Variants in KATNAL2 observed in about 807,000 individuals in gnomAD.
The protein encoded by KATNAL2 is katanin catalytic subunit A1 like 2, also known as katanin p60 ATPase-containing subunit A-like 2.
KATNAL2 carries 52 observed loss-of-function variants against 76.3 expected under a neutral mutation model. The ratio of observed to expected loss-of-function variants is 0.68; its 90% CI spans 0.55 to 0.86. The LOEUF (loss-of-function observed/expected upper bound fraction) is 0.86. Ranked by LOEUF, KATNAL2 falls within the 40% of genes least tolerant of loss-of-function variation. KATNAL2 has a pLI of 0.00. For synonymous variants in KATNAL2, 243 were observed against 244.2 expected, an observed-to-expected ratio of 1.00 and a Z score of 0.05; for missense variants, 660 against 668.9, an observed-to-expected ratio of 0.99 and a Z score of 0.15.
intron 3 of KATNAL2, chr18:47,035,372 C>T: frequency 6.4e-7 from 1 of 1,561,922 alleles, no homozygotes; most frequent in Non-Finnish European, 8.7e-7. Flanking sequence ...GGTCGCCAGG[C>T]AGCGACCTCG....
intron 4 of KATNAL2, among the ~76,000 whole-genome samples, chr18:47,049,548 T>C (rs2061275542): frequency 6.6e-6 from 1 of 152,190 alleles, no homozygotes; most frequent in Admixed American, 6.5e-5. Context: ...TTAAAGAGTT[T>C]TGTGGTCAGG....
intron 8 of KATNAL2, among the ~76,000 whole-genome samples, chr18:47,060,469 C>T (rs1424103339): frequency 6.6e-6 from 1 of 152,138 alleles, no homozygotes; most frequent in East Asian, 1.9e-4. Context: ...TAATGAATCT[C>T]ATGTCTAGAT....
intron 3 of KATNAL2, chr18:47,035,086 T>G (rs1420646006): frequency 1.2e-6 from 2 of 1,611,006 alleles, no homozygotes; most frequent in African/African-American, 2.7e-5. Flanking sequence ...GCCCACGTGC[T>G]GGTGCTTCCG....
chr18:47,060,268 A>G (rs1363353288), intron 8 of KATNAL2, among the ~76,000 whole-genome samples: 1 of 152,144 alleles, frequency 6.6e-6, no homozygotes, highest in Non-Finnish European at 1.5e-5. Context: ...AAGCGCTAGG[A>G]CATCTGCGTT....
At chr18:46,923,781 A>T (rs1462840990) in intron 1 of KATNAL2, among the ~76,000 whole-genome samples, 2 of 152,104 alleles carry the variant, frequency 1.3e-5, no homozygotes, top group African/African-American at 4.8e-5. Flanking sequence ...CTGGTGGGAG[A>T]TGGTATCTCA....
chr18:47,049,244 A>G (rs2061265637), intron 4 of KATNAL2, among the ~76,000 whole-genome samples: 2 of 152,234 alleles, frequency 1.3e-5, no homozygotes, highest in Non-Finnish European at 2.9e-5. Flanking sequence ...GGTATAGCTA[A>G]GTATCAGGTA....
At chr18:47,084,053 T>C (rs1049150654) in intron 15 of KATNAL2, among the ~76,000 whole-genome samples, 2 of 152,142 alleles carry the variant, frequency 1.3e-5, no homozygotes, top group African/African-American at 4.8e-5. Flanking sequence ...ATCCAAGAGA[T>C]GGAATAAAAT....
chr18:47,049,816 G>A lies in KATNAL2; in HGVS notation c.123-3064G>A, dbSNP rs550258708. ...TGCAGCCTCAAATTCCTGGGTTCAA[G>A]TGATCCTCTCACTTCAACCTCCTGT... On this transcript the variant is annotated intron_variant, in intron 4 of 17. Coordinates refer to ENST00000683218, the MANE Select transcript of KATNAL2 (RefSeq NM_001387690.1). Among the ~76,000 whole-genome samples the A allele has an allele frequency of 2.0e-5, 3 of 152,288 alleles. No homozygotes were observed. The East Asian group carries it at 5.8e-4, about 29-fold the overall frequency.
chr18:47,059,464 G>A, intron 7 of KATNAL2, 92 bp from the exon 8 acceptor site: 1 of 837,996 alleles, frequency 1.2e-6, no homozygotes, highest in Non-Finnish European at 2.1e-6. Flanking sequence ...TTGCTATCCA[G>A]CATCGGACTT....
chr18:46,927,120 T>C (rs567068219), intron 1 of KATNAL2, among the ~76,000 whole-genome samples: 1 of 152,340 alleles, frequency 6.6e-6, no homozygotes, highest in South Asian at 2.1e-4. Flanking sequence ...AATTTGATCC[T>C]GTCATTATGA....
In KATNAL2 at chr18:47,065,319, G is replaced by A. The variant is rs577354395; in HGVS notation, c.727-1702G>A. On this transcript the variant is annotated intron_variant, in intron 10 of 17. Transcript: ENST00000683218. ...TACTGAAAATACAAAACATTAGCCA[G>A]GAGTTGGAGACCAGCCTGGGCAACA... is the stretch of plus-strand genomic sequence containing the variant. 3.3e-5 allele frequency among the ~76,000 whole-genome samples: 5 copies of A among 152,210 alleles called. No homozygotes were observed. The South Asian group carries it at 1.0e-3, about 32-fold the overall frequency.
At chr18:46,940,772 C>T (rs1007063161) in intron 1 of KATNAL2, among the ~76,000 whole-genome samples, 24 of 152,078 alleles carry the variant, frequency 1.6e-4, no homozygotes, top group African/African-American at 5.6e-4. Flanking sequence ...AGCCATAATC[C>T]CAGCATTTTG....
chr18:47,062,222 A>G (rs1193500622), intron 8 of KATNAL2, among the ~76,000 whole-genome samples: 2 of 152,128 alleles, frequency 1.3e-5, no homozygotes, highest in Non-Finnish European at 2.9e-5. Context: ...TTCTGCAAAA[A>G]AAATTTTTTT....
chr18:47,035,131 G>A lies in KATNAL2; in HGVS notation c.52-11326G>A, dbSNP rs769298786. The A allele has an allele frequency of 1.9e-6, 3 of 1,611,632 alleles. No homozygotes were observed. The highest frequency in any genetic ancestry group is 1.7e-5 in the Admixed American group (1 of 59,944). On this transcript the variant is annotated intron_variant, in intron 3 of 17. Coordinates refer to ENST00000683218, the MANE Select transcript of KATNAL2 (RefSeq NM_001387690.1). ...CACCGTCTTTCTGATTCCAGTCTCC[G>A]CCAGGATGTCTGCCGTCATGGGCAA...
chr18:47,077,320 CTT>C (rs1313705418), intron 14 of KATNAL2, 29 bp from the exon 15 acceptor site: 7 of 1,537,874 alleles, frequency 4.6e-6, no homozygotes, highest in South Asian at 2.2e-5. Context: ...GGCTCTGACA[CTT>C]AGGAGAATCA....
chr18:47,087,752 CTGTGTGTG>C (rs35852657), intron 15 of KATNAL2, among the ~76,000 whole-genome samples: 13 of 148,436 alleles, frequency 8.8e-5, no homozygotes, highest in African/African-American at 2.5e-4. Context: ...TCTTTTACAT[CTGTGTGTG>C]TGTGTGTGTG....
intron 1 of KATNAL2, among the ~76,000 whole-genome samples, chr18:46,918,372 A>G (rs1411087275): frequency 2.0e-5 from 3 of 152,084 alleles, no homozygotes; most frequent in African/African-American, 7.2e-5. Context: ...TCAGCCTCCT[A>G]CCTACCGCCT....
chr18:47,032,437 G>C (rs563923116), intron 3 of KATNAL2: 2 of 165,182 alleles, frequency 1.2e-5, no homozygotes, highest in Admixed American at 5.6e-5. Flanking sequence ...TTGCAGAGAC[G>C]GGGTTTTCCT....
intron 15 of KATNAL2, among the ~76,000 whole-genome samples, chr18:47,093,674 T>C (rs1345839783): frequency 6.6e-6 from 1 of 152,042 alleles, no homozygotes; most frequent in Non-Finnish European, 1.5e-5. Context: ...TACAGGCATA[T>C]GCCTGGCTAA....
Sources: allele counts gnomAD v4.1 joint callset (sites outside exome capture counted in the v4.1 genomes callset), GRCh38; gene constraint gnomAD v4.1.1; transcripts MANE v1.5; gene names NCBI Gene and HGNC (gene_info 2026-07-23, HGNC 2026-07-21).